Variants in DCBLD2 observed in about 807,000 individuals in gnomAD.
The protein encoded by DCBLD2 is discoidin, CUB and LCCL domain containing 2.
DCBLD2 carries 54 observed loss-of-function variants against 86.8 expected under a neutral mutation model. That is an observed-to-expected ratio of 0.62 (90% CI 0.50 to 0.78). The LOEUF is 0.78. DCBLD2 is among the 30% of genes least tolerant of loss of function. The pLI is 0.00. For missense variants in DCBLD2, 908 were observed against 954.2 expected (o/e 0.95, Z 0.64); for synonymous variants, 354 against 341.3 (o/e 1.04, Z -0.41).
intron 9 of DCBLD2, 50 bp from the exon 10 acceptor site, chr3:98,812,532 G>A: frequency 5.9e-6 from 9 of 1,527,772 alleles, no homozygotes; most frequent in Non-Finnish European, 8.0e-6. Context: ...AGAGGTCAGG[G>A]CTAAATTTCT....
Position 98,811,334 on chromosome 3 carries a change from C to T in DCBLD2, c.1451-15G>A, listed in dbSNP as rs1454065133. On this transcript the variant is annotated splice_polypyrimidine_tract_variant and intron_variant, in intron 11 of 15. Transcript: ENST00000326840. ...TGGGGCACGACCTTTAAAAAAGTTT[C>T]AAAAGCTCTTTACTTTTTAATCTGT... 6.2e-7 allele frequency: 1 copy of T among 1,609,200 alleles called. No homozygotes were observed. The highest frequency in any genetic ancestry group is 1.7e-5 in the Admixed American group (1 of 58,896).
At chr3:98,894,851 T>C (rs147731206) in intron 1 of DCBLD2, among the ~76,000 whole-genome samples, 178 of 152,212 alleles carry the variant, frequency 1.2e-3, no homozygotes, top group African/African-American at 4.0e-3. Context: ...CTATGATAAG[T>C]ATTAGAAATA....
At chr3:98,848,886 T>G (rs1942775142) in intron 3 of DCBLD2, among the ~76,000 whole-genome samples, 1 of 152,146 alleles carries the variant, frequency 6.6e-6, no homozygotes, top group Non-Finnish European at 1.5e-5. Context: ...AATGTTATTA[T>G]AGGCCGGGTG....
At chr3:98,899,381 A>T (rs914025080) in intron 1 of DCBLD2, among the ~76,000 whole-genome samples, 4 of 150,388 alleles carry the variant, frequency 2.7e-5, no homozygotes, top group African/African-American at 9.8e-5. Flanking sequence ...CCTCCTGAGT[A>T]CCTGGGACTA....
At chr3:98,823,909 G>A (rs185345626) in intron 4 of DCBLD2, among the ~76,000 whole-genome samples, 15 of 152,268 alleles carry the variant, frequency 9.9e-5, no homozygotes, top group Admixed American at 9.8e-4. Flanking sequence ...CAGGGAATGG[G>A]GGTGGCAGGA....
At chr3:98,837,890 C>G (rs200842489) in intron 3 of DCBLD2, among the ~76,000 whole-genome samples, 1,146 of 104,784 alleles carry the variant, frequency 0.011, no homozygotes, top group African/African-American at 0.021. Flanking sequence ...ACCTCCCTCC[C>G]GGATGGGGCG....
At chr3:98,842,747 G>T (rs1298065767) in intron 3 of DCBLD2, among the ~76,000 whole-genome samples, 2 of 152,156 alleles carry the variant, frequency 1.3e-5, no homozygotes, top group Non-Finnish European at 2.9e-5. Flanking sequence ...GCTACACATG[G>T]TTAACTGGAT....
intron 2 of DCBLD2, among the ~76,000 whole-genome samples, chr3:98,858,930 G>A (rs1050376543): frequency 2.6e-5 from 4 of 152,170 alleles, no homozygotes; most frequent in Admixed American, 1.3e-4. Flanking sequence ...TACTGGCATC[G>A]CTTCACCTGG....
intron 2 of DCBLD2, among the ~76,000 whole-genome samples, chr3:98,869,904 C>T (rs1470542118): frequency 2.0e-5 from 3 of 152,120 alleles, no homozygotes; most frequent in African/African-American, 4.8e-5. Flanking sequence ...GTGGAAATAC[C>T]GCTACTAAAA....
At chr3:98,852,151 G>A (rs139749668) in intron 2 of DCBLD2, among the ~76,000 whole-genome samples, 265 of 152,244 alleles carry the variant, frequency 1.7e-3, no homozygotes, top group Admixed American at 6.5e-3. Context: ...GTGATCAAGA[G>A]ACTGGTAACT....
intron 1 of DCBLD2, among the ~76,000 whole-genome samples, chr3:98,886,285 C>T (rs372297835): frequency 2.0e-5 from 3 of 152,058 alleles, no homozygotes; most frequent in African/African-American, 7.2e-5. Context: ...GAGCTCTTAA[C>T]ATTAGGAGGG....
At chr3:98,900,309 A>G (rs1453372632) in intron 1 of DCBLD2, among the ~76,000 whole-genome samples, 3 of 152,236 alleles carry the variant, frequency 2.0e-5, no homozygotes, top group Non-Finnish European at 2.9e-5. Context: ...CAATGGAAAT[A>G]TCTTTTCAAA....
Position 98,821,775 on chromosome 3 carries a change from C to T in DCBLD2, c.830+453G>A, listed in dbSNP as rs532826434. 6.6e-5 allele frequency among the ~76,000 whole-genome samples: 10 copies of T among 152,254 alleles called. No homozygotes were observed. In the East Asian group the frequency reaches 7.7e-4, roughly 12 times the overall value. ...AAAATATGCAGACACTGGCTGGGCA[C>T]GGTGGGTCACGCCTGTAATCCCAGC... is the stretch of plus-strand genomic sequence containing the variant. On this transcript the variant is annotated intron_variant, in intron 6 of 15. Coordinates refer to ENST00000326840, the MANE Select transcript of DCBLD2 (RefSeq NM_080927.4).
chr3:98,809,490 A>G (rs1166043183), intron 12 of DCBLD2, among the ~76,000 whole-genome samples: 1 of 152,128 alleles, frequency 6.6e-6, no homozygotes, highest in Non-Finnish European at 1.5e-5. Flanking sequence ...AACATAAGGA[A>G]GCCCCCTTTT....
At chr3:98,893,454 AAAAC>A (rs1943698074) in intron 1 of DCBLD2, among the ~76,000 whole-genome samples, 2 of 152,124 alleles carry the variant, frequency 1.3e-5, no homozygotes, top group South Asian at 4.1e-4. Flanking sequence ...AACAAAAACC[AAAAC>A]AAACAAAAAT....
intron 2 of DCBLD2, among the ~76,000 whole-genome samples, chr3:98,867,583 T>C (rs191859425): frequency 1.6e-3 from 250 of 152,286 alleles, no homozygotes; most frequent in Admixed American, 6.5e-3. Context: ...TGGGTACCAG[T>C]GAAAACCTGT....
intron 2 of DCBLD2, among the ~76,000 whole-genome samples, chr3:98,870,781 G>GA (rs1159497892): frequency 6.7e-6 from 1 of 150,196 alleles, no homozygotes; most frequent in Non-Finnish European, 1.5e-5. Context: ...AAGAAAGAAA[G>GA]AAAGAAAGAA....
At chr3:98,867,807 G>GTT (rs71625507) in intron 2 of DCBLD2, among the ~76,000 whole-genome samples, 17 of 143,224 alleles carry the variant, frequency 1.2e-4, no homozygotes, top group South Asian at 2.2e-4. Flanking sequence ...GTTGTTTTTT[G>GTT]TTTTTTTTTT....
rs1943655292 is a variant in DCBLD2, at chr3:98,891,201, AGAGGGAGAGG to A, written c.206-9444_206-9435del. ...GTGACAGAGGGAGAGGGAGAAGGAG[AGAGGGAGAGG>A]GAGGGAGAGAGAGAGAGAGAGAAAG... On this transcript the variant is annotated intron_variant, in intron 1 of 15. Transcript: ENST00000326840. Among the ~76,000 whole-genome samples, 3 of 151,310 alleles carry A rather than the reference AGAGGGAGAGG, an allele frequency of 2.0e-5. No homozygotes were observed. The South Asian group carries it at 6.3e-4, about 32-fold the overall frequency.
Sources: gnomAD v4.1 joint callset for allele counts (sites outside exome capture counted in the v4.1 genomes callset) on GRCh38, gnomAD v4.1.1 for gene constraint, MANE v1.5 for transcripts, NCBI Gene and HGNC (gene_info 2026-07-23, HGNC 2026-07-21) for gene names.